Variants in CCDC149 observed in about 807,000 individuals in gnomAD.
The protein encoded by CCDC149 is coiled-coil domain-containing protein 149.
A neutral mutation model predicts 59.9 loss-of-function variants in CCDC149; 45 were observed. The observed-to-expected ratio is 0.75, with a 90% CI of 0.59 to 0.96. CCDC149 has a LOEUF of 0.96. Among genes scored for constraint, CCDC149 ranks in the 40% least tolerant of loss-of-function variants. The pLI is 0.00. For synonymous variants in CCDC149, 245 were observed against 260.6 expected (o/e 0.94, Z 0.58); for missense variants, 584 against 664.7 (o/e 0.88, Z 1.33).
intron 1 of CCDC149, among the ~76,000 whole-genome samples, chr4:24,920,387 C>T (rs1229395008): frequency 6.6e-6 from 1 of 152,206 alleles, no homozygotes; most frequent in Non-Finnish European, 1.5e-5. Context: ...GCTGGGCTCC[C>T]TACAACATGG....
At chr4:24,947,461 T>C (rs1723145489) in intron 1 of CCDC149, among the ~76,000 whole-genome samples, 1 of 152,228 alleles carries the variant, frequency 6.6e-6, no homozygotes, top group Non-Finnish European at 1.5e-5. Flanking sequence ...CTCTTTTCTT[T>C]ATAAATTACC....
chr4:24,949,335 C>T (rs1401043323), intron 1 of CCDC149, among the ~76,000 whole-genome samples: 1 of 151,960 alleles, frequency 6.6e-6, no homozygotes, highest in Non-Finnish European at 1.5e-5. Context: ...ACACAGTATG[C>T]CCCACCCTCA....
chr4:24,948,512 T>A (rs972721303), intron 1 of CCDC149, among the ~76,000 whole-genome samples: 2 of 152,134 alleles, frequency 1.3e-5, no homozygotes, highest in Non-Finnish European at 2.9e-5. Context: ...ATTATTAAAC[T>A]CCCTTGCCGG....
intron 1 of CCDC149, among the ~76,000 whole-genome samples, chr4:24,902,002 T>C (rs1017521468): frequency 6.6e-6 from 1 of 152,192 alleles, no homozygotes; most frequent in Non-Finnish European, 1.5e-5. Context: ...GCACCTGCAA[T>C]GGGCAAAGTA....
chr4:24,972,307 C>CTTTTA (rs1723994335), intron 1 of CCDC149, among the ~76,000 whole-genome samples: 1 of 151,206 alleles, frequency 6.6e-6, no homozygotes, highest in Non-Finnish European at 1.5e-5. Flanking sequence ...CTTTTCTTTT[C>CTTTTA]TTTTCTTTTC....
chr4:24,901,982 C>T (rs757006899), intron 1 of CCDC149, among the ~76,000 whole-genome samples: 1 of 152,220 alleles, frequency 6.6e-6, no homozygotes. Flanking sequence ...ATATATTCTA[C>T]ACGTATTGAG....
intron 1 of CCDC149, among the ~76,000 whole-genome samples, chr4:24,970,750 TGTACCTGGCA>T (rs747873541): frequency 5.3e-5 from 8 of 152,118 alleles, no homozygotes; most frequent in Non-Finnish European, 8.8e-5. Flanking sequence ...GGTGGCCTCA[TGTACCTGGCA>T]CTGTTCTCCC....
chr4:24,847,484 T>C (rs759355785), intron 4 of CCDC149, among the ~76,000 whole-genome samples: 1 of 152,230 alleles, frequency 6.6e-6, no homozygotes, highest in Non-Finnish European at 1.5e-5. Context: ...ATCAGTACCA[T>C]GGGAGCTAGT....
intron 2 of CCDC149, among the ~76,000 whole-genome samples, chr4:24,874,244 G>GTTGTTTTTTTTTTT (rs1719241446): frequency 2.3e-5 from 2 of 87,486 alleles, no homozygotes; most frequent in African/African-American, 1.2e-4. Flanking sequence ...TATTAGATTT[G>GTTGTTTTTTTTTTT]TTTTTTTTTT....
chr4:24,920,220 G>T (rs899616958), intron 1 of CCDC149, among the ~76,000 whole-genome samples: 24 of 152,224 alleles, frequency 1.6e-4, no homozygotes, highest in Admixed American at 1.6e-3. Context: ...TGGTTTTCAT[G>T]TGGAGTTTCC....
chr4:24,938,209 A>C (rs1316138402), intron 1 of CCDC149, among the ~76,000 whole-genome samples: 1 of 152,210 alleles, frequency 6.6e-6, no homozygotes, highest in Non-Finnish European at 1.5e-5. Context: ...CATTAAAGAG[A>C]AACGACAGAG....
chr4:24,866,754 T>C (rs1450913529), intron 3 of CCDC149, among the ~76,000 whole-genome samples: 6 of 147,994 alleles, frequency 4.1e-5, no homozygotes, highest in African/African-American at 1.3e-4. Flanking sequence ...AATGTAAAAG[T>C]TCTCATCTGT....
intron 1 of CCDC149, among the ~76,000 whole-genome samples, chr4:24,904,358 A>C (rs1721351398): frequency 6.6e-6 from 1 of 152,080 alleles, no homozygotes; most frequent in South Asian, 2.1e-4. Context: ...ACTTCCCCTA[A>C]ATGAGTTATC....
chr4:24,934,904 A>G (rs192474405), intron 1 of CCDC149, among the ~76,000 whole-genome samples: 86 of 152,386 alleles, frequency 5.6e-4, no homozygotes, highest in African/African-American at 2.0e-3. Context: ...TAGTCAGATT[A>G]TCATGAGACT....
intron 11 of CCDC149, chr4:24,820,237 G>T: frequency 5.0e-6 from 2 of 400,158 alleles, no homozygotes; most frequent in Non-Finnish European, 9.0e-6. Context: ...TCCTCTCACT[G>T]CTTGATGTAT....
At chr4:24,830,394 T>C (rs1334920212) in intron 9 of CCDC149, 1 of 152,242 alleles carries the variant, frequency 6.6e-6, no homozygotes, top group Non-Finnish European at 1.5e-5. Flanking sequence ...CATTTAAACC[T>C]TCTCCTGTCA....
At chr4:24,839,365 G>A (rs1553849863) in intron 4 of CCDC149, among the ~76,000 whole-genome samples, 1 of 151,936 alleles carries the variant, frequency 6.6e-6, no homozygotes, top group Non-Finnish European at 1.5e-5. Flanking sequence ...ATTTTTAGTA[G>A]AGACGGGGTT....
At chr4:24,873,194 A>G (rs1719160522) in intron 3 of CCDC149, among the ~76,000 whole-genome samples, 3 of 152,082 alleles carry the variant, frequency 2.0e-5, no homozygotes, top group Non-Finnish European at 4.4e-5. Flanking sequence ...GCACCCACAG[A>G]ACAGTATGCA....
At chr4:24,874,244 G>GTTGTTTTTT (rs1719241446) in intron 2 of CCDC149, among the ~76,000 whole-genome samples, 2 of 87,488 alleles carry the variant, frequency 2.3e-5, no homozygotes, top group African/African-American at 1.2e-4. Flanking sequence ...TATTAGATTT[G>GTTGTTTTTT]TTTTTTTTTT....
Sources: gnomAD v4.1 joint callset for allele counts (sites outside exome capture counted in the v4.1 genomes callset) on GRCh38, gnomAD v4.1.1 for gene constraint, MANE v1.5 for transcripts, NCBI Gene and HGNC (gene_info 2026-07-23, HGNC 2026-07-21) for gene names.